The following PPP3CC variants were observed in gnomAD, a reference collection of about 807,000 sequenced individuals.
The protein encoded by PPP3CC is protein phosphatase 3 catalytic subunit gamma.
Under a neutral mutation model 60.3 loss-of-function variants are expected in PPP3CC, and 35 were observed. The observed-to-expected ratio is 0.58, with a 90% CI of 0.44 to 0.77. The LOEUF is 0.77. PPP3CC is among the 30% of genes least tolerant of loss of function. The probability of loss-of-function intolerance (pLI) is 0.00; values close to 1 mark genes in which losing one functional copy is unlikely to be tolerated. For synonymous variants in PPP3CC, 206 were observed against 224.3 expected (o/e 0.92, Z 0.73); for missense variants, 570 against 628.9 (o/e 0.91, Z 1.00).
chr8:22,478,499 A>G (rs1837966447), intron 3 of PPP3CC, among the ~76,000 whole-genome samples: 2 of 152,218 alleles, frequency 1.3e-5, no homozygotes, highest in Admixed American at 6.5e-5. Context: ...TCTTCTGATT[A>G]ACTCGTATAA....
chr8:22,539,139 A>T (rs1022780433), intron 12 of PPP3CC, among the ~76,000 whole-genome samples: 6 of 152,320 alleles, frequency 3.9e-5, no homozygotes, highest in African/African-American at 1.4e-4. Context: ...GATTGTTGTG[A>T]TGTCAAACTA....
intron 8 of PPP3CC, among the ~76,000 whole-genome samples, chr8:22,524,584 T>C (rs1049904553): frequency 2.6e-5 from 4 of 152,234 alleles, no homozygotes; most frequent in African/African-American, 9.6e-5. Context: ...TATTCTCTTA[T>C]CAATGGTGTG....
intron 4 of PPP3CC, among the ~76,000 whole-genome samples, chr8:22,510,493 A>G (rs1367169230): frequency 1.3e-5 from 2 of 152,172 alleles, no homozygotes; most frequent in Non-Finnish European, 2.9e-5. Context: ...GACTCACAAG[A>G]CTACCATGGA....
At chr8:22,526,192 C>G (rs1839557815) in intron 8 of PPP3CC, among the ~76,000 whole-genome samples, 1 of 152,110 alleles carries the variant, frequency 6.6e-6, no homozygotes, top group South Asian at 2.1e-4. Context: ...TTTCCTAGTT[C>G]CACTAGTTAC....
intron 1 of PPP3CC, among the ~76,000 whole-genome samples, chr8:22,448,308 A>G (rs775824606): frequency 6.6e-6 from 1 of 152,134 alleles, no homozygotes; most frequent in Non-Finnish European, 1.5e-5. Flanking sequence ...AAAAAACCAT[A>G]GAGGACATTT....
Position 22,540,631 on chromosome 8 carries a change from G to C in PPP3CC, c.1368G>C (p.Ser456=), listed in dbSNP as rs780446877. ...TTTCTGTAGCCATCAGAGGGTTCTC[G>C]CTTCAGCACAAGATCCGGAGTTTTG... ...VEAREAIRGF[S]LQHKIRSFEE... Residue 456 remains serine (S), a synonymous_variant, in exon 14 of 14, where the codon TCG becomes TCC. Transcript: ENST00000240139. 1.2e-6 allele frequency: 2 copies of C among 1,613,362 alleles called. No homozygotes were observed. The highest frequency in any genetic ancestry group is 1.7e-5 in the Admixed American group (1 of 59,976).
chr8:22,459,625 T>G (rs1187673605), intron 1 of PPP3CC, among the ~76,000 whole-genome samples: 1 of 152,230 alleles, frequency 6.6e-6, no homozygotes, highest in East Asian at 1.9e-4. Context: ...TCTCAGAGAT[T>G]ATTTTCATTC....
At chr8:22,513,057 T>C (rs1839136496) in intron 5 of PPP3CC, among the ~76,000 whole-genome samples, 1 of 148,214 alleles carries the variant, frequency 6.7e-6, no homozygotes, top group Admixed American at 6.7e-5. Flanking sequence ...GCCTGGGCAA[T>C]AAGAACGAAA....
chr8:22,496,485 C>CTTTTT lies in PPP3CC; in HGVS notation c.373-1490_373-1486dup, dbSNP rs71206523. Among the ~76,000 whole-genome samples, 70 of 43,584 alleles carry CTTTTT rather than the reference C, an allele frequency of 1.6e-3. 15 individuals carry two copies. The highest frequency in any genetic ancestry group is 3.6e-3 in the African/African-American group (39 of 10,892). 28.6% of individuals were successfully genotyped at this position (43,584 alleles called of 152,430 possible). A position where few individuals can be genotyped will look rare whatever the true frequency, so the allele number is the denominator to read the frequency against. ...AAGTTAAATTAGGGAGAACTGTAAT[C>CTTTTT]TTTTTTTTTTTTTTTTTTTTTTTTT... On this transcript the variant is annotated intron_variant, in intron 3 of 13. Coordinates refer to ENST00000240139, the MANE Select transcript of PPP3CC (RefSeq NM_005605.5).
intron 4 of PPP3CC, among the ~76,000 whole-genome samples, chr8:22,509,023 CAAAG>C (rs1237335413): frequency 4.6e-5 from 7 of 152,314 alleles, no homozygotes; most frequent in African/African-American, 1.7e-4. Flanking sequence ...CTGAAAACCT[CAAAG>C]AAACCCACAG....
chr8:22,457,346 G>C lies in PPP3CC; in HGVS notation c.49+15888G>C, dbSNP rs1837233230. ...CATTTATTTATTTATTTATTTTTAA[G>C]AATTTTTTTTCCAAGGCTGGATCTC... On this transcript the variant is annotated intron_variant, in intron 1 of 13. Coordinates refer to ENST00000240139, the MANE Select transcript of PPP3CC (RefSeq NM_005605.5). Among the ~76,000 whole-genome samples, 3 of 149,460 alleles carry C rather than the reference G, an allele frequency of 2.0e-5. No individual in the cohort carries two copies. The South Asian group carries it at 6.4e-4, about 32-fold the overall frequency.
intron 6 of PPP3CC, among the ~76,000 whole-genome samples, chr8:22,516,136 G>C (rs1489767144): frequency 1.3e-5 from 2 of 151,780 alleles, no homozygotes; most frequent in Non-Finnish European, 2.9e-5. Context: ...ACAAGGTCTT[G>C]GCTGTTTTGC....
intron 4 of PPP3CC, among the ~76,000 whole-genome samples, chr8:22,506,873 C>T (rs1198927222): frequency 2.0e-5 from 3 of 151,950 alleles, no homozygotes; most frequent in East Asian, 1.9e-4. Context: ...ACCCGGGAGG[C>T]GGAGCTTGCA....
chr8:22,498,325 G>A (rs998845721), intron 4 of PPP3CC, among the ~76,000 whole-genome samples: 4 of 151,812 alleles, frequency 2.6e-5, no homozygotes, highest in Non-Finnish European at 5.9e-5. Context: ...TAAATAATTC[G>A]GGATATTTGG....
intron 3 of PPP3CC, among the ~76,000 whole-genome samples, chr8:22,484,931 A>G (rs1357720496): frequency 6.6e-6 from 1 of 152,232 alleles, no homozygotes; most frequent in Non-Finnish European, 1.5e-5. Context: ...TGATTCAGCT[A>G]GCTTTGAGGC....
intron 1 of PPP3CC, among the ~76,000 whole-genome samples, chr8:22,463,901 C>T (rs1837437970): frequency 6.6e-6 from 1 of 151,944 alleles, no homozygotes; most frequent in Admixed American, 6.6e-5. Flanking sequence ...ATTCTCCTGC[C>T]TCAGCCTTCC....
chr8:22,464,536 C>T (rs1837458837), intron 1 of PPP3CC, among the ~76,000 whole-genome samples: 1 of 152,090 alleles, frequency 6.6e-6, no homozygotes, highest in Admixed American at 6.6e-5. Flanking sequence ...TGCACCACCA[C>T]ACTCAACTAA....
chr8:22,536,804 G>T (rs968301391), intron 12 of PPP3CC, among the ~76,000 whole-genome samples: 1 of 152,196 alleles, frequency 6.6e-6, no homozygotes, highest in Non-Finnish European at 1.5e-5. Flanking sequence ...TTAACTTGGA[G>T]AGCTTTCAAC....
At chr8:22,520,160 T>C (rs1839367403) in intron 6 of PPP3CC, among the ~76,000 whole-genome samples, 1 of 152,200 alleles carries the variant, frequency 6.6e-6, no homozygotes, top group South Asian at 2.1e-4. Context: ...CCCGCTTTCC[T>C]GGCCTGCAAG....
Sources: gnomAD v4.1 joint callset for allele counts (sites outside exome capture counted in the v4.1 genomes callset) on GRCh38, gnomAD v4.1.1 for gene constraint, MANE v1.5 for transcripts, NCBI Gene and HGNC (gene_info 2026-07-23, HGNC 2026-07-21) for gene names.